RXYLT1: variants seen among roughly 807,000 people sequenced by gnomAD.
The protein encoded by RXYLT1 is ribitol-5-phosphate xylosyltransferase 1.
A neutral mutation model predicts 43.5 loss-of-function variants in RXYLT1; 41 were observed. That is an observed-to-expected ratio of 0.94 (90% CI 0.73 to 1.22). RXYLT1 has a LOEUF of 1.22. RXYLT1 is among the 50% of genes most tolerant of loss of function. The pLI is 0.00. For synonymous variants in RXYLT1, 166 were observed against 194.4 expected (o/e 0.85, Z 1.21); for missense variants, 514 against 532.0 (o/e 0.97, Z 0.33).
intron 3 of RXYLT1, among the ~76,000 whole-genome samples, chr12:63,789,247 T>C (rs765085508): frequency 2.6e-5 from 4 of 152,150 alleles, no homozygotes; most frequent in African/African-American, 7.2e-5. Flanking sequence ...TCTCAGGGAA[T>C]AGGGAGGCCC....
Position 63,802,235 on chromosome 12 carries a change from A to G in RXYLT1, c.573A>G (p.Gln191=), listed in dbSNP as rs1898177355. 1 of 1,614,004 alleles carries G rather than the reference A, an allele frequency of 6.2e-7. No individual in the cohort carries two copies. Among genetic ancestry groups the G allele is most frequent in the South Asian group, 1.1e-5 (1 of 91,078 alleles). ...LLYAQNLVQI[Q]KLQHLAVVLL... is the part of the protein sequence containing the mutation. ...ATGCACAAAATTTAGTGCAAATTCAAAAACTCCAGCATCTTGCTGTTGTTT... is the reference window on the plus strand; with the variant it reads ...ATGCACAAAATTTAGTGCAAATTCAGAAACTCCAGCATCTTGCTGTTGTTT... The change falls in exon 4 of 6, where the codon CAA becomes CAG. Residue 191 remains glutamine, a synonymous_variant. Transcript: ENST00000261234.
rs1440497370 is a variant in RXYLT1, at chr12:63,802,153, T to A, written c.491T>A (p.Leu164His). 1 of 1,614,064 alleles carries A rather than the reference T, an allele frequency of 6.2e-7. No individual in the cohort carries two copies. The highest frequency in any genetic ancestry group is 1.1e-5 in the South Asian group (1 of 91,066). The part of the protein sequence containing the change: ...YFSVDVNNVV[L>H]ILNGREKAKI... ...TCCGTTGATGTGAATAATGTGGTAC[T>A]CATTTTAAATGGAAGAGAAAAAGCA... The change falls in exon 4 of 6, where the codon CTC (leucine) becomes CAC (histidine). Residue 164 changes from leucine (L) to histidine (H), a missense_variant. Physicochemically the swap from Leu to His is moderately conservative, Grantham distance 99 (BLOSUM62 -3). Coordinates refer to ENST00000261234, the MANE Select transcript of RXYLT1 (RefSeq NM_014254.3).
chr12:63,798,915 CT>C (rs1231781043), intron 3 of RXYLT1, among the ~76,000 whole-genome samples: 2 of 152,102 alleles, frequency 1.3e-5, no homozygotes, highest in African/African-American at 4.8e-5. Context: ...TTTTAAGTCA[CT>C]TTTAAGCTGT....
rs566260396 is a variant in RXYLT1 at position 63,787,767 on chromosome 12, T to C, written c.428+2695T>C. ...TCAACATCCCAAGTAGCTGGGACTA[T>C]GGGCATACGCCACCACACCCAGCTA... On this transcript the variant is annotated intron_variant, in intron 3 of 5. Coordinates refer to ENST00000261234, the MANE Select transcript of RXYLT1 (RefSeq NM_014254.3). Among the ~76,000 whole-genome samples the C allele has an allele frequency of 2.6e-5, 4 of 152,200 alleles. No homozygotes were observed. The South Asian group carries it at 8.3e-4, about 32-fold the overall frequency.
chr12:63,795,614 T>G (rs915820932), intron 3 of RXYLT1: 6 of 151,776 alleles, frequency 4.0e-5, no homozygotes, highest in African/African-American at 1.2e-4. Context: ...ATATAAAAGT[T>G]GGGCTATTTC....
intron 2 of RXYLT1, chr12:63,782,598 G>T (rs976477432): frequency 2.2e-6 from 1 of 456,664 alleles, no homozygotes; most frequent in South Asian, 1.5e-5. Context: ...TGGGCCCTCT[G>T]TGTATGTCAC....
At chr12:63,808,435 C>A (rs996787767) in intron 5 of RXYLT1, 11 of 491,148 alleles carry the variant, frequency 2.2e-5, no homozygotes, top group African/African-American at 8.2e-5. Context: ...TTATTATTAT[C>A]CATTCAGAAG....
chr12:63,806,717 C>G (rs1232434533), intron 5 of RXYLT1: 4 of 152,024 alleles, frequency 2.6e-5, no homozygotes, highest in African/African-American at 9.7e-5. Flanking sequence ...AGACTATTCT[C>G]CCCTTTCCCT....
chr12:63,782,738 T>C (rs914880695), intron 2 of RXYLT1: 1 of 379,238 alleles, frequency 2.6e-6, no homozygotes, highest in Admixed American at 3.3e-5. Flanking sequence ...CAAAGAGCCC[T>C]TTGTGTGAAT....
intron 3 of RXYLT1, among the ~76,000 whole-genome samples, chr12:63,801,311 G>A (rs560913193): frequency 7.2e-5 from 11 of 151,974 alleles, no homozygotes; most frequent in South Asian, 6.2e-4. Flanking sequence ...GCCATTCTTC[G>A]TTTCTTAATT....
In RXYLT1 at chr12:63,781,136, C is replaced by T; in HGVS notation, c.287C>T (p.Thr96Ile). Residue 96 changes from threonine to isoleucine, a missense_variant, in exon 2 of 6, where the codon ACA becomes ATA. Physicochemically the swap from Thr to Ile is moderately conservative, Grantham distance 89. Coordinates refer to ENST00000261234, the MANE Select transcript of RXYLT1 (RefSeq NM_014254.3). ...QILDKSTKGK[T>I]DLSVQIWGKA... ...TTAGATAAATCCACGAAAGGAAAAA[C>T]AGATCTCAGTGTACAAATCTGGGGC... 1 of 1,604,752 alleles carries T rather than the reference C, an allele frequency of 6.2e-7. No homozygotes were observed. The highest frequency in any genetic ancestry group is 1.1e-5 in the South Asian group (1 of 89,212).
chr12:63,802,311 A>G lies in RXYLT1; in HGVS notation c.649A>G (p.Arg217Gly). ...TGAGTGGATAAACCCATTCCTCAAA[A>G]GAAATGGAGGCTTCGTGGAGCTGCT... ...DNEWINPFLK[R>G]NGGFVELLFI... is the part of the protein sequence containing the mutation. The change falls in exon 4 of 6, where the codon AGA becomes GGA. Residue 217 changes from arginine (R) to glycine (G), a missense_variant. By Grantham distance (125) the Arg-to-Gly change is moderately radical. Coordinates refer to ENST00000261234, the MANE Select transcript of RXYLT1 (RefSeq NM_014254.3). 1 of 1,613,292 alleles carries G rather than the reference A, an allele frequency of 6.2e-7. No homozygotes were observed. Among genetic ancestry groups the G allele is most frequent in the Non-Finnish European group, 8.5e-7 (1 of 1,179,270 alleles).
At chr12:63,787,333 C>A (rs1029756100) in intron 3 of RXYLT1, among the ~76,000 whole-genome samples, 1 of 152,212 alleles carries the variant, frequency 6.6e-6, no homozygotes, top group African/African-American at 2.4e-5. Context: ...TTCAGTCACA[C>A]CTTCAGGTTC....
chr12:63,805,106 C>T (rs772135157), intron 4 of RXYLT1, 128 bp from the exon 5 acceptor site: 1 of 631,666 alleles, frequency 1.6e-6, no homozygotes. Flanking sequence ...TGGAAAATTA[C>T]AATTTGAGAT....
chr12:63,794,889 A>C (rs1592848669), intron 3 of RXYLT1, among the ~76,000 whole-genome samples: 1 of 152,378 alleles, frequency 6.6e-6, no homozygotes, highest in Non-Finnish European at 1.5e-5. Flanking sequence ...AATATGTGAA[A>C]GCAAGATCTT....
chr12:63,803,045 G>A (rs554530772), intron 4 of RXYLT1, among the ~76,000 whole-genome samples: 3 of 151,106 alleles, frequency 2.0e-5, no homozygotes, highest in Non-Finnish European at 4.4e-5. Flanking sequence ...ATGGTGACAT[G>A]GACTCCTGTA....
At chr12:63,805,436 T>G (rs776096023) in intron 5 of RXYLT1, 32 bp downstream of exon 5, 1 of 1,534,894 alleles carries the variant, frequency 6.5e-7, no homozygotes, top group Non-Finnish European at 8.7e-7. Flanking sequence ...TTCATTCATT[T>G]TGTTCTCCAG....
intron 2 of RXYLT1, among the ~76,000 whole-genome samples, chr12:63,782,323 C>A (rs1330218541): frequency 2.6e-5 from 4 of 152,190 alleles, no homozygotes; most frequent in Non-Finnish European, 4.4e-5. Flanking sequence ...TCTAAATGGC[C>A]AGCTCCATTA....
rs1032328385 is a variant in RXYLT1, at chr12:63,785,352, C to T, written c.428+280C>T. On this transcript the variant is annotated intron_variant, in intron 3 of 5. Coordinates refer to ENST00000261234, the MANE Select transcript of RXYLT1 (RefSeq NM_014254.3). ...AAAGTTCATACTCCACATCTTACAG[C>T]GTTTGAATGGTGACAGCCATTGAAA... 8 of 170,430 alleles carry T rather than the reference C, an allele frequency of 4.7e-5. No individual in the cohort carries two copies. In the East Asian group the frequency reaches 1.0e-3, roughly 22 times the overall value. 10.6% of individuals were successfully genotyped at this position (170,430 alleles called of 1,614,324 possible). A position where few individuals can be genotyped will look rare whatever the true frequency, so the allele number is the denominator to read the frequency against.
Sources: allele counts gnomAD v4.1 joint callset (sites outside exome capture counted in the v4.1 genomes callset), GRCh38; gene constraint gnomAD v4.1.1; transcripts MANE v1.5; gene names NCBI Gene and HGNC (gene_info 2026-07-23, HGNC 2026-07-21).